Variants in TRIM59 observed in about 807,000 individuals in gnomAD.
TRIM59 encodes tripartite motif containing 59, also known as tripartite motif-containing protein 59.
A neutral mutation model predicts 32.2 loss-of-function variants in TRIM59; 14 were observed. The ratio of observed to expected loss-of-function variants is 0.43; its 90% confidence interval spans 0.29 to 0.68. TRIM59 has a LOEUF of 0.68. TRIM59 is among the 30% of genes least tolerant of loss of function. TRIM59 has a pLI of 0.15. For missense variants in TRIM59, 471 were observed against 463.3 expected (o/e 1.02, Z -0.15); for synonymous variants, 163 against 155.1 (o/e 1.05, Z -0.38).
chr3:160,437,856 T>C lies in TRIM59; in HGVS notation c.*116A>G. On this transcript the variant is annotated 3_prime_UTR_variant, in exon 3 of 3. Coordinates refer to ENST00000309784, the MANE Select transcript of TRIM59 (RefSeq NM_173084.3). ...CAAAAGAAGCAACAAATATAAACATTTGTTTATATTAGTTGCAGCACTAAT... is the reference window on the plus strand; with the variant it reads ...CAAAAGAAGCAACAAATATAAACATCTGTTTATATTAGTTGCAGCACTAAT... The C allele has an allele frequency of 7.6e-7, 1 of 1,324,312 alleles. No individual in the cohort carries two copies. Among genetic ancestry groups the C allele is most frequent in the Non-Finnish European group, 9.7e-7 (1 of 1,036,114 alleles). 82.0% of individuals were successfully genotyped at this position (1,324,312 alleles called of 1,614,324 possible).
intron 2 of TRIM59, 111 bp downstream of exon 2, chr3:160,448,615 C>T (rs1719659332): frequency 1.7e-6 from 1 of 593,292 alleles, no homozygotes; most frequent in Non-Finnish European, 2.6e-6. Flanking sequence ...TATACACCGC[C>T]AACACAATGT....
intron 2 of TRIM59, among the ~76,000 whole-genome samples, chr3:160,443,363 TA>T (rs1719355825): frequency 6.6e-6 from 1 of 151,914 alleles, no homozygotes; most frequent in Non-Finnish European, 1.5e-5. Context: ...GACAATGGAG[TA>T]ATGCCTTTGA....
Position 160,437,899 on chromosome 3 carries a change from T to C in TRIM59, c.*73A>G. On this transcript the variant is annotated 3_prime_UTR_variant, in exon 3 of 3. Transcript: ENST00000309784. The stretch of plus-strand genomic sequence containing the variant: ...GCACTAATAAAGCTTAGTTTGCTCT[T>C]TATCCATGCTACCCCATTTTTTGTT... The C allele has an allele frequency of 7.0e-7, 1 of 1,418,616 alleles. No individual in the cohort carries two copies. Among genetic ancestry groups the C allele is most frequent in the Non-Finnish European group, 9.2e-7 (1 of 1,086,290 alleles). The allele number at this position is 1,418,616 out of a possible 1,614,324, so 87.9% of individuals were successfully genotyped here.
At chr3:160,441,252 G>A (rs75988272) in intron 2 of TRIM59, among the ~76,000 whole-genome samples, 1,910 of 152,286 alleles carry the variant, frequency 0.013, 18 homozygotes, top group Non-Finnish European at 0.02. Flanking sequence ...ATAAGGGCAG[G>A]AATTGTGTCT....
At position 160,438,269 on chromosome 3, in the gene TRIM59, C is replaced by T. The variant is rs868821861; in HGVS notation, c.915G>A (p.Met305Ile). The change falls in exon 3 of 3, where the codon ATG becomes ATA. Residue 305 changes from methionine to isoleucine, a missense_variant. Met to Ile is a conservative substitution (Grantham distance 10, BLOSUM62 1). Coordinates refer to ENST00000309784, the MANE Select transcript of TRIM59 (RefSeq NM_173084.3). The part of the protein sequence containing the change: ...GQIKNVLIPK[M>I]KISPKRMSCS... The stretch of plus-strand genomic sequence containing the variant: ...ATGACATCCTTTTTGGAGAAATTTT[C>T]ATTTTGGGAATGAGAACGTTCTTAA... 3 of 1,613,754 alleles carry T rather than the reference C, an allele frequency of 1.9e-6. No homozygotes were observed. The East Asian group carries it at 6.7e-5, about 36-fold the overall frequency.
intron 2 of TRIM59, among the ~76,000 whole-genome samples, chr3:160,441,618 G>A (rs1719249773): frequency 6.6e-6 from 1 of 151,926 alleles, no homozygotes; most frequent in Admixed American, 6.6e-5. Flanking sequence ...GCCAGGTGTG[G>A]TGGTGGGCGC....
At chr3:160,448,650 A>G in intron 2 of TRIM59, 76 bp downstream of exon 2, 1 of 855,226 alleles carries the variant, frequency 1.2e-6, no homozygotes, top group Non-Finnish European at 1.6e-6. Flanking sequence ...TCTAAATTTC[A>G]CTTTGTAGTT....
intron 2 of TRIM59, among the ~76,000 whole-genome samples, chr3:160,444,157 G>A (rs1719400910): frequency 6.6e-6 from 1 of 152,024 alleles, no homozygotes; most frequent in African/African-American, 2.4e-5. Flanking sequence ...GAAAATAAGG[G>A]AAGGAAACAG....
chr3:160,448,215 G>A (rs1313666938), intron 2 of TRIM59, among the ~76,000 whole-genome samples: 1 of 152,128 alleles, frequency 6.6e-6, no homozygotes, highest in Non-Finnish European at 1.5e-5. Context: ...GGCTTTAATT[G>A]CTTTTGCTGT....
At chr3:160,446,394 AAAAC>A (rs1560027198) in intron 2 of TRIM59, among the ~76,000 whole-genome samples, 2 of 152,222 alleles carry the variant, frequency 1.3e-5, no homozygotes, top group African/African-American at 2.4e-5. Context: ...AATGTTAGCA[AAAAC>A]AAACACAGGA....
At position 160,449,761 on chromosome 3, in the gene TRIM59, A is replaced by G; in HGVS notation, c.-118T>C. 7.8e-7 allele frequency: 1 copy of G among 1,281,552 alleles called. No homozygotes were observed. The allele number at this position is 1,281,552 out of a possible 1,614,324, so 79.4% of individuals were successfully genotyped here. ...AGGCAACTCCACAGCACGGAAACAC[A>G]GCGCCACGAGCTCCAGGCGGATGCT... On this transcript the variant is annotated 5_prime_UTR_variant, in exon 1 of 3. Coordinates refer to ENST00000309784, the MANE Select transcript of TRIM59 (RefSeq NM_173084.3).
chr3:160,438,736 C>G lies in TRIM59; in HGVS notation c.448G>C (p.Glu150Gln), dbSNP rs1325307035. Reference protein sequence around the residue: ...KEKDTPQKLLEQLTDTHWTDL... With the variant: ...KEKDTPQKLLQQLTDTHWTDL... The stretch of plus-strand genomic sequence containing the variant: ...GTCCAGTGTGTGTCAGTCAACTGTT[C>G]AAGCAGTTTTTGAGGAGTGTCCTTT... The change falls in exon 3 of 3, where the codon GAA becomes CAA. Residue 150 changes from glutamate to glutamine, a missense_variant. By Grantham distance (29) the Glu-to-Gln change is conservative. Coordinates refer to ENST00000309784, the MANE Select transcript of TRIM59 (RefSeq NM_173084.3). 64 of 1,613,892 alleles carry G rather than the reference C, an allele frequency of 4.0e-5. No individual in the cohort carries two copies. The highest frequency in any genetic ancestry group is 5.3e-5 in the Non-Finnish European group (63 of 1,179,988).
Position 160,447,816 on chromosome 3 carries a change from C to T in TRIM59, c.-4+910G>A, listed in dbSNP as rs565524442. On this transcript the variant is annotated intron_variant, in intron 2 of 2. Transcript: ENST00000309784. ...AATTCAAGTGGTGCCACCACCCAAA[C>T]TGGGGCTCACATCTTTGTGGACCTA... is the stretch of plus-strand genomic sequence containing the variant. 1.2e-4 allele frequency: 18 copies of T among 152,358 alleles called. No homozygotes were observed. In the South Asian group the frequency reaches 3.5e-3, roughly 30 times the overall value. 9.4% of individuals were successfully genotyped at this position (152,358 alleles called of 1,614,324 possible).
At position 160,436,357 on chromosome 3, in the gene TRIM59, G is replaced by C; in HGVS notation, c.*1615C>G. The C allele has an allele frequency of 1.0e-6, 1 of 985,996 alleles. No individual in the cohort carries two copies. The highest frequency in any genetic ancestry group is 1.2e-6 in the Non-Finnish European group (1 of 830,098). The allele number at this position is 985,996 out of a possible 1,614,324, so 61.1% of individuals were successfully genotyped here. Reference sequence around the variant, plus strand: ...CGGTGATCCAAGAGCAGCCCCTTTGGGATTTCTGGAAAGCAAATCAACCTG... The same window carrying C: ...CGGTGATCCAAGAGCAGCCCCTTTGCGATTTCTGGAAAGCAAATCAACCTG... On this transcript the variant is annotated 3_prime_UTR_variant, in exon 3 of 3. Transcript: ENST00000309784.
intron 2 of TRIM59, among the ~76,000 whole-genome samples, chr3:160,448,235 A>G (rs1401212467): frequency 6.6e-6 from 1 of 152,252 alleles, no homozygotes; most frequent in African/African-American, 2.4e-5. Context: ...TACTTTTCAA[A>G]GTAAAAATAT....
chr3:160,439,205 A>G lies in TRIM59; in HGVS notation c.-3-19T>C. 6.7e-7 allele frequency: 1 copy of G among 1,487,912 alleles called. No homozygotes were observed. The highest frequency in any genetic ancestry group is 8.9e-7 in the Non-Finnish European group (1 of 1,118,758). 92.2% of individuals were successfully genotyped at this position (1,487,912 alleles called of 1,614,324 possible). A position where few individuals can be genotyped will look rare whatever the true frequency, so the allele number is the denominator to read the frequency against. ...GCATTTCCTGTCAAGAGAAAAATGT[A>G]TTTTAAGTTTACATAGAGACACCTG... On this transcript the variant is annotated intron_variant, in intron 2 of 2. Coordinates refer to ENST00000309784, the MANE Select transcript of TRIM59 (RefSeq NM_173084.3).
At chr3:160,445,445 A>G (rs1719478251) in intron 2 of TRIM59, among the ~76,000 whole-genome samples, 1 of 151,984 alleles carries the variant, frequency 6.6e-6, no homozygotes, top group Admixed American at 6.6e-5. Context: ...AAGAATAAAG[A>G]TAAATGGAAG....
At chr3:160,440,460 A>T (rs974641420) in intron 2 of TRIM59, among the ~76,000 whole-genome samples, 1 of 152,220 alleles carries the variant, frequency 6.6e-6, no homozygotes, top group Non-Finnish European at 1.5e-5. Context: ...TATTTCCAGT[A>T]ACAGAAGCCT....
chr3:160,449,216 GC>G (rs1719688378), intron 1 of TRIM59, among the ~76,000 whole-genome samples: 1 of 152,168 alleles, frequency 6.6e-6, no homozygotes, highest in African/African-American at 2.4e-5. Context: ...CCATTTCAAT[GC>G]TGTGGGACCT....
Sources: gnomAD v4.1 joint callset for allele counts (sites outside exome capture counted in the v4.1 genomes callset) on GRCh38, gnomAD v4.1.1 for gene constraint, MANE v1.5 for transcripts, NCBI Gene and HGNC (gene_info 2026-07-23, HGNC 2026-07-21) for gene names.